Variants in CARMIL1 observed in about 807,000 individuals in gnomAD.
CARMIL1 encodes the protein capping protein regulator and myosin 1 linker 1, also known as F-actin-uncapping protein LRRC16A.
In CARMIL1, 90 loss-of-function variants were observed where a neutral mutation model predicts 177.1. The observed-to-expected ratio is 0.51, with a 90% CI of 0.43 to 0.61. CARMIL1 has a LOEUF of 0.61. Among genes scored for constraint, CARMIL1 ranks in the 20% least tolerant of loss-of-function variants. The pLI is 0.00. For synonymous variants in CARMIL1, 577 were observed against 606.2 expected (o/e 0.95, Z 0.71); for missense variants, 1,380 against 1,667.0 (o/e 0.83, Z 3.00).
chr6:25,518,887 C>T (rs1386171220), intron 22 of CARMIL1, among the ~76,000 whole-genome samples: 2 of 152,116 alleles, frequency 1.3e-5, no homozygotes, highest in East Asian at 3.9e-4. Flanking sequence ...TTGTCAAGGC[C>T]GTAAAAAAGA....
intron 2 of CARMIL1, among the ~76,000 whole-genome samples, chr6:25,300,045 C>A (rs1302039572): frequency 6.6e-6 from 1 of 151,724 alleles, no homozygotes; most frequent in Non-Finnish European, 1.5e-5. Flanking sequence ...TTGGCCCCCC[C>A]ACTGAGAATC....
At chr6:25,448,856 T>A (rs1432851089) in intron 5 of CARMIL1, among the ~76,000 whole-genome samples, 1 of 152,160 alleles carries the variant, frequency 6.6e-6, no homozygotes, top group Non-Finnish European at 1.5e-5. Context: ...GATTACTCTG[T>A]GATAACTAAT....
chr6:25,504,056 A>G (rs1200058168), intron 17 of CARMIL1, among the ~76,000 whole-genome samples: 1 of 152,194 alleles, frequency 6.6e-6, no homozygotes, highest in African/African-American at 2.4e-5. Context: ...CCTTGATGTC[A>G]TCTTATATTT....
At chr6:25,481,078 C>T (rs1432403069) in intron 11 of CARMIL1, among the ~76,000 whole-genome samples, 1 of 151,766 alleles carries the variant, frequency 6.6e-6, no homozygotes, top group African/African-American at 2.4e-5. Flanking sequence ...TCCCCCCTTT[C>T]CCACATCAAC....
intron 2 of CARMIL1, among the ~76,000 whole-genome samples, chr6:25,311,600 C>T (rs1417390536): frequency 6.6e-6 from 1 of 152,038 alleles, no homozygotes; most frequent in African/African-American, 2.4e-5. Flanking sequence ...CAGTTCCCAC[C>T]CCCACCCATC....
intron 13 of CARMIL1, among the ~76,000 whole-genome samples, chr6:25,491,353 A>G (rs1308906539): frequency 6.6e-6 from 1 of 152,210 alleles, no homozygotes; most frequent in African/African-American, 2.4e-5. Flanking sequence ...AACACTTTCA[A>G]AAGTGATTAG....
At chr6:25,511,924 C>G (rs1805494244) in intron 20 of CARMIL1, among the ~76,000 whole-genome samples, 1 of 152,056 alleles carries the variant, frequency 6.6e-6, no homozygotes, top group Non-Finnish European at 1.5e-5. Context: ...GCTAATAAAC[C>G]CCATATTTTG....
intron 11 of CARMIL1, 41 bp from the exon 12 acceptor site, chr6:25,482,215 TG>T: frequency 1.0e-6 from 1 of 998,226 alleles, no homozygotes; most frequent in Non-Finnish European, 1.6e-6. Flanking sequence ...AATGCAATTC[TG>T]AGAACTTGAA....
chr6:25,366,260 G>A (rs553827201), intron 2 of CARMIL1, among the ~76,000 whole-genome samples: 38 of 152,120 alleles, frequency 2.5e-4, no homozygotes, highest in South Asian at 1.0e-3. Flanking sequence ...GCCTCTCAAA[G>A]TGCTGGGATT....
chr6:25,353,133 T>A (rs930242099), intron 2 of CARMIL1, among the ~76,000 whole-genome samples: 1 of 152,204 alleles, frequency 6.6e-6, no homozygotes, highest in Non-Finnish European at 1.5e-5. Context: ...AAGAATTCTC[T>A]GATTCCTGAT....
chr6:25,313,984 TTTC>T (rs1329173547), intron 2 of CARMIL1, among the ~76,000 whole-genome samples: 1 of 151,496 alleles, frequency 6.6e-6, no homozygotes, highest in Admixed American at 6.6e-5. Context: ...GATTCTATGT[TTTC>T]TTTGTAGTCA....
At chr6:25,498,156 C>CTGTG (rs1803928357) in intron 16 of CARMIL1, among the ~76,000 whole-genome samples, 1 of 152,174 alleles carries the variant, frequency 6.6e-6, no homozygotes, top group Non-Finnish European at 1.5e-5. Context: ...TACCCCTTCT[C>CTGTG]TGTGACCCCA....
chr6:25,366,241 T>C (rs1789783285), intron 2 of CARMIL1, among the ~76,000 whole-genome samples: 1 of 152,146 alleles, frequency 6.6e-6, no homozygotes. Context: ...AAGCAGTCCT[T>C]CCATCTTGGC....
chr6:25,296,144 CCAA>C (rs1254276145), intron 2 of CARMIL1, among the ~76,000 whole-genome samples: 13 of 152,328 alleles, frequency 8.5e-5, no homozygotes, highest in African/African-American at 2.9e-4. Flanking sequence ...ATCTGTATAG[CCAA>C]CAACAATTTC....
chr6:25,346,206 T>C (rs576777098), intron 2 of CARMIL1, among the ~76,000 whole-genome samples: 20 of 152,180 alleles, frequency 1.3e-4, no homozygotes, highest in African/African-American at 4.3e-4. Context: ...AGCTGTGGTG[T>C]GCCCTAGCCC....
chr6:25,328,998 A>G (rs1785365270), intron 2 of CARMIL1, among the ~76,000 whole-genome samples: 1 of 152,140 alleles, frequency 6.6e-6, no homozygotes, highest in Admixed American at 6.6e-5. Flanking sequence ...GTCACAAAAG[A>G]TCTTTCTGTC....
intron 2 of CARMIL1, among the ~76,000 whole-genome samples, chr6:25,399,673 G>T (rs1053926042): frequency 6.6e-6 from 1 of 152,188 alleles, no homozygotes; most frequent in African/African-American, 2.4e-5. Context: ...CCTGTTCTGT[G>T]TGGGGCCTTC....
chr6:25,502,528 C>T (rs367802094), intron 17 of CARMIL1, among the ~76,000 whole-genome samples: 339 of 145,206 alleles, frequency 2.3e-3, no homozygotes, highest in South Asian at 0.011. Context: ...CACTCCAGCC[C>T]GGGCGACAGC....
chr6:25,541,629 T>A (rs1333252055), intron 26 of CARMIL1, among the ~76,000 whole-genome samples: 3 of 152,194 alleles, frequency 2.0e-5, no homozygotes, highest in Non-Finnish European at 4.4e-5. Flanking sequence ...TTTTTCAATG[T>A]AATGGGAAAA....
Sources: gnomAD v4.1 joint callset for allele counts (sites outside exome capture counted in the v4.1 genomes callset) on GRCh38, gnomAD v4.1.1 for gene constraint, MANE v1.5 for transcripts, NCBI Gene and HGNC (gene_info 2026-07-23, HGNC 2026-07-21) for gene names.